Variants in PTPRR observed in about 807,000 individuals in gnomAD.
The protein encoded by PTPRR is receptor-type tyrosine-protein phosphatase R.
Under a neutral mutation model 77.2 loss-of-function variants are expected in PTPRR, and 38 were observed. That is an observed-to-expected ratio of 0.49 (90% confidence interval 0.38 to 0.65). The LOEUF (loss-of-function observed/expected upper bound fraction) is 0.65, where lower values mean the gene tolerates loss of function less well. Among genes scored for constraint, PTPRR ranks in the 30% least tolerant of loss-of-function variants. PTPRR has a pLI of 0.00. For missense variants in PTPRR, 744 were observed against 799.2 expected, an observed-to-expected ratio of 0.93 and a Z score of 0.83; for synonymous variants, 299 against 283.1, an observed-to-expected ratio of 1.06 and a Z score of -0.57.
chr12:70,697,448 T>C, intron 8 of PTPRR, among the ~76,000 whole-genome samples: 1 of 152,190 alleles, frequency 6.6e-6, no homozygotes, highest in South Asian at 2.1e-4. Flanking sequence ...ATTTGCGTAT[T>C]GTAGCTACAT....
intron 2 of PTPRR, among the ~76,000 whole-genome samples, chr12:70,773,651 G>T (rs1891028927): frequency 6.6e-6 from 1 of 152,140 alleles, no homozygotes; most frequent in Non-Finnish European, 1.5e-5. Flanking sequence ...ATTTGAAATA[G>T]ATCTTTCTGT....
chr12:70,754,851 T>G, intron 4 of PTPRR: 1 of 937,216 alleles, frequency 1.1e-6, no homozygotes, highest in East Asian at 3.1e-5. Flanking sequence ...TGTCAAAACC[T>G]GACTAAAATA....
chr12:70,869,688 T>C (rs1161387735), intron 2 of PTPRR, among the ~76,000 whole-genome samples: 1 of 152,086 alleles, frequency 6.6e-6, no homozygotes, highest in Admixed American at 6.6e-5. Flanking sequence ...GAAGGAGATA[T>C]GATGGCTGAT....
At chr12:70,795,993 G>A (rs1434253317) in intron 2 of PTPRR, among the ~76,000 whole-genome samples, 2 of 132,308 alleles carry the variant, frequency 1.5e-5, no homozygotes, top group African/African-American at 5.7e-5. Flanking sequence ...GTGCGATCTC[G>A]GTTCACTGCA....
chr12:70,660,287 G>A (rs535899557), intron 12 of PTPRR, among the ~76,000 whole-genome samples: 5 of 152,056 alleles, frequency 3.3e-5, no homozygotes, highest in African/African-American at 4.8e-5. Flanking sequence ...AGGGGAAGGA[G>A]GTATCAGTTT....
rs1890207669 is a variant in PTPRR at position 70,746,092 on chromosome 12, GA to G, written c.739-7del. 6.2e-7 allele frequency: 1 copy of G among 1,604,600 alleles called. No homozygotes were observed. The highest frequency in any genetic ancestry group is 1.3e-5 in the African/African-American group (1 of 74,490). On this transcript the variant is annotated splice_polypyrimidine_tract_variant and splice_region_variant and intron_variant, in intron 5 of 13. Transcript: ENST00000283228. ...TCTTTTAATCTGTAAAGAATCTATA[GA>G]AGGAGATATAAAAAACTCCTGTCAC...
intron 6 of PTPRR, among the ~76,000 whole-genome samples, chr12:70,733,470 C>CAAAAAAA (rs1193950231): frequency 4.0e-5 from 3 of 74,082 alleles, no homozygotes; most frequent in African/African-American, 1.7e-4. Context: ...AAAATTATGG[C>CAAAAAAA]AAAAAAAAAA....
chr12:70,742,819 G>A (rs1355751637), intron 6 of PTPRR, among the ~76,000 whole-genome samples: 1 of 152,068 alleles, frequency 6.6e-6, no homozygotes, highest in Non-Finnish European at 1.5e-5. Flanking sequence ...TCTTCATAAT[G>A]TTCGGCTATA....
At chr12:70,890,316 T>C (rs1893313396) in intron 2 of PTPRR, among the ~76,000 whole-genome samples, 1 of 152,076 alleles carries the variant, frequency 6.6e-6, no homozygotes, top group African/African-American at 2.4e-5. Context: ...AAATAAACTA[T>C]AAATTTTCCT....
At chr12:70,850,778 A>C (rs956385288) in intron 2 of PTPRR, among the ~76,000 whole-genome samples, 2 of 152,174 alleles carry the variant, frequency 1.3e-5, no homozygotes, top group African/African-American at 4.8e-5. Context: ...CCCAATGCAG[A>C]AAACAGAAGC....
chr12:70,880,174 T>C (rs1262683292), intron 2 of PTPRR, among the ~76,000 whole-genome samples: 2 of 152,338 alleles, frequency 1.3e-5, no homozygotes, highest in East Asian at 3.9e-4. Context: ...TCTTAGTATG[T>C]GTCAAGAGTG....
chr12:70,780,206 G>C (rs1159835189), intron 2 of PTPRR, among the ~76,000 whole-genome samples: 1 of 152,060 alleles, frequency 6.6e-6, no homozygotes, highest in East Asian at 1.9e-4. Context: ...TGGCCAGGAT[G>C]GTCTTGATCT....
chr12:70,731,336 G>A (rs987749051), intron 6 of PTPRR, among the ~76,000 whole-genome samples: 2 of 152,086 alleles, frequency 1.3e-5, no homozygotes, highest in African/African-American at 4.8e-5. Context: ...GAAAGCAATG[G>A]TAAGGACAGT....
intron 2 of PTPRR, among the ~76,000 whole-genome samples, chr12:70,862,086 A>G (rs1388774245): frequency 6.6e-6 from 1 of 152,126 alleles, no homozygotes; most frequent in Non-Finnish European, 1.5e-5. Context: ...AGTAGTAGAG[A>G]AAGTAAGGTA....
chr12:70,809,506 A>G (rs1362354667), intron 2 of PTPRR, among the ~76,000 whole-genome samples: 1 of 152,190 alleles, frequency 6.6e-6, no homozygotes, highest in Non-Finnish European at 1.5e-5. Context: ...TAAGAACTAT[A>G]GTCATTATGT....
At chr12:70,827,100 G>A (rs912338052) in intron 2 of PTPRR, among the ~76,000 whole-genome samples, 1 of 152,190 alleles carries the variant, frequency 6.6e-6, no homozygotes, top group Non-Finnish European at 1.5e-5. Flanking sequence ...CCCCTCCCCA[G>A]ATACTTTCTT....
chr12:70,861,875 C>T (rs1892759175), intron 2 of PTPRR, among the ~76,000 whole-genome samples: 2 of 152,192 alleles, frequency 1.3e-5, no homozygotes, highest in South Asian at 2.1e-4. Flanking sequence ...TTAAAGGGTA[C>T]AGTTTGGATT....
chr12:70,743,725 C>T (rs199915066), intron 6 of PTPRR, among the ~76,000 whole-genome samples: 1 of 152,156 alleles, frequency 6.6e-6, no homozygotes, highest in African/African-American at 2.4e-5. Flanking sequence ...GAATCCCCCA[C>T]GTGGACCAAA....
chr12:70,834,261 G>T (rs1892264354), intron 2 of PTPRR, among the ~76,000 whole-genome samples: 1 of 151,874 alleles, frequency 6.6e-6, no homozygotes, highest in Non-Finnish European at 1.5e-5. Flanking sequence ...TTTTTTACAG[G>T]GCTGTGTGCT....
Sources: allele counts gnomAD v4.1 joint callset (sites outside exome capture counted in the v4.1 genomes callset), GRCh38; gene constraint gnomAD v4.1.1; transcripts MANE v1.5; gene names NCBI Gene and HGNC (gene_info 2026-07-23, HGNC 2026-07-21).